SMYD3: variants seen among roughly 807,000 people sequenced by gnomAD.
The protein encoded by SMYD3 is histone-lysine N-methyltransferase SMYD3.
In SMYD3, 36 loss-of-function variants were observed where a neutral mutation model predicts 57.7. The observed-to-expected ratio is 0.62, with a 90% CI of 0.48 to 0.82. The LOEUF is 0.82. Among genes scored for constraint, SMYD3 ranks in the 40% least tolerant of loss-of-function variants. The pLI is 0.00. For missense variants in SMYD3, 515 were observed against 538.8 expected (o/e 0.96, Z 0.44); for synonymous variants, 211 against 195.0 (o/e 1.08, Z -0.68).
intron 5 of SMYD3, among the ~76,000 whole-genome samples, chr1:246,182,327 C>T (rs1378975430): frequency 6.6e-6 from 1 of 152,200 alleles, no homozygotes; most frequent in Non-Finnish European, 1.5e-5. Flanking sequence ...ATCTTCCCAT[C>T]TCTCGACTTC....
At chr1:246,323,299 A>G (rs994488518) in intron 5 of SMYD3, among the ~76,000 whole-genome samples, 1 of 152,220 alleles carries the variant, frequency 6.6e-6, no homozygotes, top group Non-Finnish European at 1.5e-5. Context: ...TCAGAGTCAG[A>G]CTAACACTGG....
chr1:246,125,906 G>A (rs755924427), intron 5 of SMYD3, among the ~76,000 whole-genome samples: 29 of 152,014 alleles, frequency 1.9e-4, no homozygotes, highest in Middle Eastern at 3.4e-3. Flanking sequence ...GTAAAAAGGA[G>A]TGGCAACTAC....
intron 5 of SMYD3, among the ~76,000 whole-genome samples, chr1:246,154,225 C>T (rs1404520802): frequency 1.3e-5 from 2 of 152,176 alleles, no homozygotes; most frequent in Non-Finnish European, 2.9e-5. Context: ...TTGTGCCATC[C>T]GCTCTGCTTC....
intron 5 of SMYD3, among the ~76,000 whole-genome samples, chr1:246,178,325 C>CTTTTCAGAGAT (rs149222885): frequency 0.04 from 6,063 of 152,206 alleles, 366 homozygotes; most frequent in African/African-American, 0.13. Context: ...ATGGTTGGAG[C>CTTTTCAGAGAT]TACTCTGAAA....
intron 1 of SMYD3, among the ~76,000 whole-genome samples, chr1:246,364,740 C>A (rs561842286): frequency 7.2e-5 from 11 of 152,208 alleles, no homozygotes; most frequent in Middle Eastern, 3.4e-3. Flanking sequence ...AAATTCCATC[C>A]ACCCCCAAGT....
intron 5 of SMYD3, among the ~76,000 whole-genome samples, chr1:246,118,564 A>C (rs2061375680): frequency 6.6e-6 from 1 of 152,174 alleles, no homozygotes; most frequent in Non-Finnish European, 1.5e-5. Flanking sequence ...TTAAACGCAC[A>C]AACTGTGGCG....
At chr1:245,934,021 T>C (rs940884271) in intron 5 of SMYD3, among the ~76,000 whole-genome samples, 1 of 152,162 alleles carries the variant, frequency 6.6e-6, no homozygotes, top group Non-Finnish European at 1.5e-5. Flanking sequence ...TATACAAATT[T>C]TAAAACACAT....
chr1:246,138,038 T>C (rs927037319), intron 5 of SMYD3, among the ~76,000 whole-genome samples: 4 of 152,210 alleles, frequency 2.6e-5, no homozygotes, highest in Non-Finnish European at 5.9e-5. Context: ...GTTAAAAATG[T>C]AAAATACCTT....
chr1:246,059,038 C>T (rs1251216953), intron 5 of SMYD3, among the ~76,000 whole-genome samples: 1 of 152,110 alleles, frequency 6.6e-6, no homozygotes, highest in Non-Finnish European at 1.5e-5. Context: ...CCATGCCCGG[C>T]TAAATTTTTT....
At chr1:246,110,648 G>A (rs2061218578) in intron 5 of SMYD3, among the ~76,000 whole-genome samples, 2 of 152,172 alleles carry the variant, frequency 1.3e-5, no homozygotes, top group Admixed American at 6.5e-5. Flanking sequence ...GTGCAAGCAC[G>A]CCTGCACAGT....
intron 1 of SMYD3, among the ~76,000 whole-genome samples, chr1:246,501,299 A>G (rs1020887268): frequency 6.6e-6 from 1 of 152,202 alleles, no homozygotes; most frequent in South Asian, 2.1e-4. Flanking sequence ...ATTTTAGCCA[A>G]TGTGAGAATT....
intron 6 of SMYD3, among the ~76,000 whole-genome samples, chr1:245,929,313 G>C (rs1261318421): frequency 2.6e-5 from 4 of 152,186 alleles, no homozygotes; most frequent in Non-Finnish European, 5.9e-5. Context: ...GGACTCTTAT[G>C]GCATAAAAAC....
At chr1:246,421,014 C>T (rs1425329689) in intron 1 of SMYD3, among the ~76,000 whole-genome samples, 5 of 152,160 alleles carry the variant, frequency 3.3e-5, no homozygotes, top group African/African-American at 1.2e-4. Flanking sequence ...AAACTCTAAA[C>T]TCCTCAAATA....
chr1:245,980,527 T>C (rs1382681462), intron 5 of SMYD3, among the ~76,000 whole-genome samples: 1 of 152,244 alleles, frequency 6.6e-6, no homozygotes, highest in Non-Finnish European at 1.5e-5. Context: ...TTCATTCCAG[T>C]TTCAAGGTCT....
At chr1:246,143,654 C>T (rs1350567075) in intron 5 of SMYD3, among the ~76,000 whole-genome samples, 2 of 152,090 alleles carry the variant, frequency 1.3e-5, no homozygotes, top group Non-Finnish European at 2.9e-5. Context: ...GGCAACAGAG[C>T]GAGACCCTAT....
At chr1:246,069,105 C>T (rs1258819493) in intron 5 of SMYD3, among the ~76,000 whole-genome samples, 1 of 152,182 alleles carries the variant, frequency 6.6e-6, no homozygotes, top group Non-Finnish European at 1.5e-5. Flanking sequence ...TTTTGAGATG[C>T]TGTAGCTGGA....
chr1:245,998,188 C>T (rs1265886497), intron 5 of SMYD3, among the ~76,000 whole-genome samples: 1 of 152,172 alleles, frequency 6.6e-6, no homozygotes, highest in African/African-American at 2.4e-5. Flanking sequence ...AAGTATCTTC[C>T]TGCTATCAGC....
chr1:246,005,497 C>T (rs1248398985), intron 5 of SMYD3, among the ~76,000 whole-genome samples: 4 of 152,150 alleles, frequency 2.6e-5, no homozygotes, highest in Non-Finnish European at 1.5e-5. Flanking sequence ...TCACCTGTCT[C>T]TATAAAGGGC....
intron 1 of SMYD3, among the ~76,000 whole-genome samples, chr1:246,385,766 A>G (rs949544373): frequency 5.9e-5 from 9 of 151,718 alleles, no homozygotes; most frequent in African/African-American, 2.2e-4. Flanking sequence ...AACAAACACA[A>G]TCACTAAAAA....
Sources: allele counts gnomAD v4.1 joint callset (sites outside exome capture counted in the v4.1 genomes callset), GRCh38; gene constraint gnomAD v4.1.1; transcripts MANE v1.5; gene names NCBI Gene and HGNC (gene_info 2026-07-23, HGNC 2026-07-21).